Variants in NAA60 observed in about 807,000 individuals in gnomAD.
NAA60 encodes the protein N-alpha-acetyltransferase 60.
Under a neutral mutation model 26.1 loss-of-function variants are expected in NAA60, and 8 were observed. The observed-to-expected ratio is 0.31, with a 90% CI of 0.18 to 0.55. NAA60 has a LOEUF of 0.55. Among genes scored for constraint, NAA60 ranks in the 20% least tolerant of loss-of-function variants. NAA60 has a pLI of 0.93. For synonymous variants in NAA60, 131 were observed against 122.5 expected, an observed-to-expected ratio of 1.07 and a Z score of -0.46; for missense variants, 290 against 311.3, an observed-to-expected ratio of 0.93 and a Z score of 0.51.
Position 3,449,433 on chromosome 16 carries a change from G to A in NAA60, c.-7+893G>A, listed in dbSNP as rs1465910961. Among the ~76,000 whole-genome samples, 3 of 152,146 alleles carry A rather than the reference G, an allele frequency of 2.0e-5. No homozygotes were observed. In the South Asian group the frequency reaches 6.2e-4, roughly 31 times the overall value. ...CTTGGGAGGCTGAGGCAGGAGAATG[G>A]TGTGAACCTGGGAGGTGACAGTTGC... On this transcript the variant is annotated intron_variant, in intron 2 of 7. Transcript: ENST00000407558.
At chr16:3,476,199 G>A (rs370108520) in intron 2 of NAA60, 23 bp from the exon 3 acceptor site, 25 of 1,559,330 alleles carry the variant, frequency 1.6e-5, no homozygotes, top group South Asian at 6.9e-5. Flanking sequence ...GAGGTGACGC[G>A]TCCCCCCCAC....
chr16:3,477,728 G>A (rs1209066655), intron 3 of NAA60, among the ~76,000 whole-genome samples: 3 of 150,138 alleles, frequency 2.0e-5, no homozygotes, highest in African/African-American at 4.9e-5. Flanking sequence ...TCAGGAGTTC[G>A]AGACCAGCCT....
chr16:3,466,207 T>C (rs190844899), intron 2 of NAA60, among the ~76,000 whole-genome samples: 104 of 152,322 alleles, frequency 6.8e-4, no homozygotes, highest in African/African-American at 2.3e-3. Context: ...GAATCCTCCA[T>C]TGTCACTCCT....
intron 3 of NAA60, among the ~76,000 whole-genome samples, chr16:3,477,574 G>A (rs1048400784): frequency 2.1e-5 from 3 of 145,222 alleles, no homozygotes; most frequent in Non-Finnish European, 4.4e-5. Context: ...GCCAAGGTGG[G>A]TGGATCACCT....
intron 3 of NAA60, among the ~76,000 whole-genome samples, chr16:3,477,464 C>A (rs1309089957): frequency 6.6e-6 from 1 of 152,230 alleles, no homozygotes; most frequent in South Asian, 2.1e-4. Flanking sequence ...CGGGAACTGT[C>A]ACAGTCCAGG....
intron 2 of NAA60, among the ~76,000 whole-genome samples, chr16:3,461,397 G>C (rs2035384751): frequency 6.6e-6 from 1 of 152,182 alleles, no homozygotes; most frequent in South Asian, 2.1e-4. Context: ...AGGTGCCACA[G>C]CTCTAAGCTG....
chr16:3,471,780 A>G (rs929562697), intron 2 of NAA60, among the ~76,000 whole-genome samples: 4 of 152,018 alleles, frequency 2.6e-5, no homozygotes, highest in African/African-American at 9.7e-5. Context: ...GGCTGGGCCT[A>G]TGGGCTCTGG....
intron 2 of NAA60, among the ~76,000 whole-genome samples, chr16:3,461,152 A>T (rs2035367063): frequency 6.6e-6 from 1 of 152,218 alleles, no homozygotes; most frequent in Non-Finnish European, 1.5e-5. Flanking sequence ...TACACTGCTG[A>T]TTAAAGAGAG....
intron 3 of NAA60, among the ~76,000 whole-genome samples, chr16:3,478,913 C>T (rs1474688304): frequency 6.6e-6 from 1 of 152,132 alleles, no homozygotes; most frequent in South Asian, 2.1e-4. Flanking sequence ...TGAGTTGCTT[C>T]CATGGAGACA....
At chr16:3,482,863 G>A in intron 5 of NAA60, 2 of 552,520 alleles carry the variant, frequency 3.6e-6, no homozygotes, top group South Asian at 2.1e-5. Flanking sequence ...CCAGGATGGA[G>A]CTGAGGAAAC....
At chr16:3,457,121 C>T (rs1417621823) in intron 2 of NAA60, among the ~76,000 whole-genome samples, 1 of 152,128 alleles carries the variant, frequency 6.6e-6, no homozygotes, top group Non-Finnish European at 1.5e-5. Flanking sequence ...CAGTTCTCTT[C>T]AAATTGGATT....
chr16:3,448,731 T>TA (rs2034652925), intron 2 of NAA60, 191 bp downstream of exon 2: 4 of 544,536 alleles, frequency 7.3e-6, no homozygotes, highest in African/African-American at 3.8e-5. Context: ...AGTATATTCT[T>TA]ACGTTAGGTA....
rs747623280 is a variant in NAA60 at position 3,485,070 on chromosome 16, CA to C, written c.*206+10del. The C allele has an allele frequency of 1.4e-6, 2 of 1,421,970 alleles. No individual in the cohort carries two copies. The highest frequency in any genetic ancestry group is 5.0e-5 in the East Asian group (2 of 40,252). The allele number at this position is 1,421,970 out of a possible 1,614,324, so 88.1% of individuals were successfully genotyped here. A position where few individuals can be genotyped will look rare whatever the true frequency, so the allele number is the denominator to read the frequency against. On this transcript the variant is annotated intron_variant, in intron 7 of 7. Transcript: ENST00000407558. The stretch of plus-strand genomic sequence containing the variant: ...ATGCCCATCCGTGGCAGGTACGCCA[CA>C]GCAGACACAAAGGTATGGGAGCTTG...
intron 2 of NAA60, among the ~76,000 whole-genome samples, chr16:3,452,653 C>CA (rs57798902): frequency 0.07 from 9,440 of 135,228 alleles, 379 homozygotes; most frequent in Middle Eastern, 0.1. Flanking sequence ...GACCCCGTCT[C>CA]AAAAAAAAAA....
At chr16:3,469,596 T>A (rs1231552416) in intron 2 of NAA60, among the ~76,000 whole-genome samples, 2 of 128,100 alleles carry the variant, frequency 1.6e-5, no homozygotes, top group Non-Finnish European at 3.5e-5. Context: ...TCTCTGACTT[T>A]GCCTTGCTGC....
At position 3,443,758 on chromosome 16, in the gene NAA60, G is replaced by C. The variant is rs148789397; in HGVS notation, c.-156G>C. 3,198 of 1,533,200 alleles carry C rather than the reference G, an allele frequency of 2.1e-3. 41 individuals carry two copies. In the African/African-American group the frequency reaches 0.034, roughly 16 times the overall value. The allele number at this position is 1,533,200 out of a possible 1,614,324, so 95.0% of individuals were successfully genotyped here. On this transcript the variant is annotated 5_prime_UTR_variant, in exon 1 of 8. Coordinates refer to ENST00000407558, the MANE Select transcript of NAA60 (RefSeq NM_001083601.3). ...AAGTAGAGTCTTAGGGTGACCCCAG[G>C]GGGACGTAATGTTTCCGAGAAGAAG...
At chr16:3,451,908 AC>A (rs2150948979) in intron 2 of NAA60, among the ~76,000 whole-genome samples, 1 of 150,654 alleles carries the variant, frequency 6.6e-6, no homozygotes, top group African/African-American at 2.4e-5. Flanking sequence ...ACAGAGCAAG[AC>A]CCTGTCTCAA....
At chr16:3,455,006 C>G (rs2034919670) in intron 2 of NAA60, among the ~76,000 whole-genome samples, 1 of 152,200 alleles carries the variant, frequency 6.6e-6, no homozygotes, top group Non-Finnish European at 1.5e-5. Flanking sequence ...CACAATGCCT[C>G]ACACATAAGC....
intron 1 of NAA60, 29 bp downstream of exon 1, chr16:3,443,866 C>G (rs781505552): frequency 6.6e-7 from 1 of 1,525,364 alleles, no homozygotes; most frequent in South Asian, 1.2e-5. Flanking sequence ...GCCCTGTAGG[C>G]CTGAAATTTC....
Sources: gnomAD v4.1 joint callset for allele counts (sites outside exome capture counted in the v4.1 genomes callset) on GRCh38, gnomAD v4.1.1 for gene constraint, MANE v1.5 for transcripts, NCBI Gene and HGNC (gene_info 2026-07-23, HGNC 2026-07-21) for gene names.